MDGA2: variants seen among roughly 807,000 people sequenced by gnomAD.
MDGA2 encodes the protein MAM domain-containing glycosylphosphatidylinositol anchor protein 2.
In MDGA2, 40 loss-of-function variants were observed where a neutral mutation model predicts 117.8. That is an observed-to-expected ratio of 0.34 (90% CI 0.26 to 0.44). MDGA2 has a LOEUF of 0.44. Ranked by LOEUF, MDGA2 falls within the 20% of genes least tolerant of loss-of-function variation. The pLI is 1.00. For missense variants in MDGA2, 1,123 were observed against 1,250.6 expected, an observed-to-expected ratio of 0.90 and a Z score of 1.54; for synonymous variants, 452 against 439.0, an observed-to-expected ratio of 1.03 and a Z score of -0.37.
intron 2 of MDGA2, among the ~76,000 whole-genome samples, chr14:47,241,324 A>G (rs549281654): frequency 2.0e-5 from 3 of 151,908 alleles, no homozygotes; most frequent in Admixed American, 2.0e-4. Flanking sequence ...TTCAGGCTCC[A>G]TGCACTTTTA....
chr14:47,082,908 T>C (rs976859923), intron 6 of MDGA2, among the ~76,000 whole-genome samples: 1 of 151,468 alleles, frequency 6.6e-6, no homozygotes, highest in African/African-American at 2.4e-5. Context: ...AAGTTTACAA[T>C]GAAAAAAAAT....
rs570650303 is a variant in MDGA2 at position 47,609,062 on chromosome 14, C to CT, written c.280+65454dup. Among the ~76,000 whole-genome samples the CT allele has an allele frequency of 1.7e-3, 255 of 151,640 alleles. 3 individuals carry two copies. The highest frequency in any genetic ancestry group is 6.0e-3 in the African/African-American group (250 of 41,336). On this transcript the variant is annotated intron_variant, in intron 1 of 16. Coordinates refer to ENST00000399232, the MANE Select transcript of MDGA2 (RefSeq NM_001113498.3). ...CATTCAGTTCTTTTTTTATTTTTATCTTTTTTATTTTTCCATAGGTTATTG... is the reference window on the plus strand; with the variant it reads ...CATTCAGTTCTTTTTTTATTTTTATCTTTTTTTATTTTTCCATAGGTTATTG...
intron 8 of MDGA2, among the ~76,000 whole-genome samples, chr14:47,023,205 A>AAAAAAAAAAAAAG (rs1566579179): frequency 2.2e-4 from 32 of 146,522 alleles, no homozygotes; most frequent in African/African-American, 3.1e-4. Flanking sequence ...TCGTAAAAAA[A>AAAAAAAAAAAAAG]AAAAAAAAAA....
intron 2 of MDGA2, among the ~76,000 whole-genome samples, chr14:47,294,142 T>C (rs1278239855): frequency 1.4e-5 from 2 of 144,912 alleles, no homozygotes; most frequent in Non-Finnish European, 3.0e-5. Context: ...AGGCTTTTGC[T>C]CTTTCGCCCA....
chr14:46,951,334 C>G (rs1885364079), intron 9 of MDGA2, among the ~76,000 whole-genome samples: 1 of 151,926 alleles, frequency 6.6e-6, no homozygotes, highest in African/African-American at 2.4e-5. Flanking sequence ...CAGAAAGACC[C>G]TAAGATGACT....
rs765819810 is a variant in MDGA2, at chr14:46,882,237, TAATAG to T, written c.2239-21_2239-17del. The T allele has an allele frequency of 3.1e-6, 5 of 1,599,324 alleles. No homozygotes were observed. Among genetic ancestry groups the T allele is most frequent in the Non-Finnish European group, 1.7e-6 (2 of 1,172,626 alleles). ...GCTGTCCAGCCTGAAATCAAAACAA[TAATAG>T]AATAATGTTCCCAGTATGTTCTTCA... On this transcript the variant is annotated splice_polypyrimidine_tract_variant and intron_variant, in intron 10 of 16. Coordinates refer to ENST00000399232, the MANE Select transcript of MDGA2 (RefSeq NM_001113498.3).
intron 9 of MDGA2, among the ~76,000 whole-genome samples, chr14:46,934,420 C>T (rs1374676278): frequency 6.6e-6 from 1 of 152,090 alleles, no homozygotes; most frequent in Non-Finnish European, 1.5e-5. Context: ...TAACTTAGTT[C>T]AGTCTTCACA....
chr14:46,962,307 A>T (rs1885843504), intron 8 of MDGA2, among the ~76,000 whole-genome samples: 2 of 152,164 alleles, frequency 1.3e-5, no homozygotes, highest in Admixed American at 1.3e-4. Context: ...TTTCAAAGTC[A>T]CACATTTCCT....
intron 1 of MDGA2, among the ~76,000 whole-genome samples, chr14:47,500,834 T>C (rs1035027404): frequency 1.3e-5 from 2 of 152,082 alleles, no homozygotes. Flanking sequence ...ATATCAAACA[T>C]TCACCCTGCT....
chr14:47,417,075 C>T (rs1401963761), intron 1 of MDGA2, among the ~76,000 whole-genome samples: 1 of 152,134 alleles, frequency 6.6e-6, no homozygotes, highest in Non-Finnish European at 1.5e-5. Context: ...ATGAGTAACT[C>T]TTGGCTTCTG....
In MDGA2 at chr14:46,957,172, T is replaced by G. The variant is rs1255845272; in HGVS notation, c.2089+202A>C. Among the ~76,000 whole-genome samples, 7 of 152,326 alleles carry G rather than the reference T, an allele frequency of 4.6e-5. No homozygotes were observed. The South Asian group carries it at 1.4e-3, about 32-fold the overall frequency. On this transcript the variant is annotated intron_variant, in intron 9 of 16. Coordinates refer to ENST00000399232, the MANE Select transcript of MDGA2 (RefSeq NM_001113498.3). ...ACTAGAATTCAGATAACCTTCTATG[T>G]AATTTTGTAGGCCTGTGCATTCTTT...
rs1889275694 is a variant in MDGA2 at position 47,301,306 on chromosome 14, C to T, written c.420+105G>A. The T allele has an allele frequency of 4.8e-6, 6 of 1,261,340 alleles. 1 individual carries two copies. The highest frequency in any genetic ancestry group is 2.6e-5 in the East Asian group (1 of 39,050). 78.1% of individuals were successfully genotyped at this position (1,261,340 alleles called of 1,614,324 possible). Reference sequence around the variant, plus strand: ...ACACCCACACCCACCCACACACACACACACACACACACACAGTTTTAGCTA... The same window carrying T: ...ACACCCACACCCACCCACACACACATACACACACACACACAGTTTTAGCTA... On this transcript the variant is annotated intron_variant, in intron 2 of 16. Transcript: ENST00000399232.
In MDGA2 at chr14:47,550,549, A is replaced by G. The variant is rs148097305; in HGVS notation, c.280+123968T>C. ...AGTCTACAGTACTGTTGAACAACCT[A>G]TCAGTAGAGTAGATGATTTGGTGAA... is the stretch of plus-strand genomic sequence containing the variant. On this transcript the variant is annotated intron_variant, in intron 1 of 16. Coordinates refer to ENST00000399232, the MANE Select transcript of MDGA2 (RefSeq NM_001113498.3). Among the ~76,000 whole-genome samples, 285 of 152,326 alleles carry G rather than the reference A, an allele frequency of 1.9e-3. 2 individuals are homozygous for G. Among genetic ancestry groups the G allele is most frequent in the African/African-American group, 6.4e-3 (268 of 41,584 alleles).
At chr14:47,623,995 G>A (rs1466648629) in intron 1 of MDGA2, among the ~76,000 whole-genome samples, 2 of 152,188 alleles carry the variant, frequency 1.3e-5, no homozygotes, top group Admixed American at 6.5e-5. Flanking sequence ...TACATTGTAT[G>A]CTCAGGAGGT....
chr14:47,551,544 TA>T (rs1895581313), intron 1 of MDGA2, among the ~76,000 whole-genome samples: 2 of 152,186 alleles, frequency 1.3e-5, no homozygotes, highest in African/African-American at 4.8e-5. Context: ...CCTACATTAA[TA>T]ATTTCAACCT....
intron 14 of MDGA2, among the ~76,000 whole-genome samples, chr14:46,862,903 G>C (rs961322689): frequency 2.0e-5 from 3 of 151,986 alleles, no homozygotes; most frequent in Non-Finnish European, 4.4e-5. Context: ...TAATTGCAGT[G>C]CTATCCTAAA....
chr14:46,952,812 T>A (rs1485519705), intron 9 of MDGA2, among the ~76,000 whole-genome samples: 2 of 151,968 alleles, frequency 1.3e-5, no homozygotes, highest in African/African-American at 2.4e-5. Flanking sequence ...GAATTTGGAA[T>A]AACTGGTAGA....
intron 1 of MDGA2, among the ~76,000 whole-genome samples, chr14:47,327,565 T>A (rs1890179614): frequency 6.6e-6 from 1 of 152,160 alleles, no homozygotes; most frequent in Non-Finnish European, 1.5e-5. Context: ...AAGACCAGAT[T>A]ATTGCACTCG....
intron 1 of MDGA2, among the ~76,000 whole-genome samples, chr14:47,671,048 T>G (rs1001706882): frequency 2.6e-5 from 4 of 152,160 alleles, no homozygotes; most frequent in Non-Finnish European, 4.4e-5. Flanking sequence ...ATAATTTATA[T>G]TACTATAATG....
Sources: gnomAD v4.1 joint callset for allele counts (sites outside exome capture counted in the v4.1 genomes callset) on GRCh38, gnomAD v4.1.1 for gene constraint, MANE v1.5 for transcripts, NCBI Gene and HGNC (gene_info 2026-07-23, HGNC 2026-07-21) for gene names.